The following SOBP variants were observed in gnomAD, a reference collection of about 807,000 sequenced individuals.
The protein encoded by SOBP is sine oculis binding protein homolog.
In SOBP, 4 loss-of-function variants were observed where a neutral mutation model predicts 53.6. The observed-to-expected ratio is 0.07, with a 90% confidence interval of 0.04 to 0.17. The LOEUF is 0.17. Among genes scored for constraint, SOBP ranks in the 10% least tolerant of loss-of-function variants. The probability of loss-of-function intolerance (pLI) is 1.00; values close to 1 mark genes in which losing one functional copy is unlikely to be tolerated. For synonymous variants in SOBP, 584 were observed against 522.6 expected (o/e 1.12, Z -1.60); for missense variants, 1,088 against 1,204.7 (o/e 0.90, Z 1.43).
At position 107,634,999 on chromosome 6, in the gene SOBP, G is replaced by C; in HGVS notation, c.2155G>C (p.Ala719Pro). 8.9e-7 allele frequency: 1 copy of C among 1,118,152 alleles called. No homozygotes were observed. Among genetic ancestry groups the C allele is most frequent in the South Asian group, 4.2e-5 (1 of 23,582 alleles). The allele number at this position is 1,118,152 out of a possible 1,614,324, so 69.3% of individuals were successfully genotyped here. The change falls in exon 6 of 7, where the codon GCC becomes CCC. Residue 719 changes from alanine (A) to proline (P), a missense_variant. By Grantham distance (27) the Ala-to-Pro change is conservative. Around this residue, in one of 6 missense-constraint regions of SOBP, gnomAD observed 665 missense variants for 629.7 expected, o/e 1.06. Coordinates refer to ENST00000317357, the MANE Select transcript of SOBP (RefSeq NM_018013.4). The surrounding 1 kb of genome is among the most constrained non-coding windows in gnomAD (Gnocchi z 4.5). ...GAPAGPEAAA[A>P]CNVIVNGTRG... ...CCCGGCGGGCCCCGAGGCGGCCGCG[G>C]CCTGCAACGTCATCGTGAACGGCAC...
chr6:107,492,591 G>C (rs1782606990), intron 1 of SOBP, among the ~76,000 whole-genome samples: 1 of 152,310 alleles, frequency 6.6e-6, no homozygotes, highest in East Asian at 1.9e-4. Flanking sequence ...CAGTATAACA[G>C]ATGTTTGTCT....
rs530660114 is a variant in SOBP at position 107,659,180 on chromosome 6, C to G, written c.*977C>G. On this transcript the variant is annotated 3_prime_UTR_variant, in exon 7 of 7. Transcript: ENST00000317357. ...CCAGGAAGTCAGTGAGACAATCTCT[C>G]TATATGCAGAGCCCTTTCATGATAA... 1.3e-5 allele frequency: 2 copies of G among 152,718 alleles called. No individual in the cohort carries two copies. The highest frequency in any genetic ancestry group is 1.9e-4 in the East Asian group (1 of 5,178). 9.5% of individuals were successfully genotyped at this position (152,718 alleles called of 1,614,324 possible). A position where few individuals can be genotyped will look rare whatever the true frequency, so the allele number is the denominator to read the frequency against.
At chr6:107,560,774 C>T (rs1474043398) in intron 4 of SOBP, among the ~76,000 whole-genome samples, 4 of 152,098 alleles carry the variant, frequency 2.6e-5, no homozygotes, top group Non-Finnish European at 5.9e-5. Context: ...GTCTTTTTCC[C>T]CACCAGACTG....
intron 4 of SOBP, among the ~76,000 whole-genome samples, chr6:107,569,846 C>G (rs1562621977): frequency 1.3e-5 from 2 of 152,222 alleles, no homozygotes; most frequent in Non-Finnish European, 2.9e-5. Flanking sequence ...CCTCGCCCCA[C>G]CTGGGAAGGA....
rs1275660220 is a variant in SOBP, at chr6:107,490,201, G to A, written c.-416G>A. 5 of 149,128 alleles carry A rather than the reference G, an allele frequency of 3.4e-5. No homozygotes were observed. The highest frequency in any genetic ancestry group is 3.0e-5 in the Non-Finnish European group (2 of 66,556). The allele number at this position is 149,128 out of a possible 1,614,324, so 9.2% of individuals were successfully genotyped here. On this transcript the variant is annotated 5_prime_UTR_variant, in exon 1 of 7. Transcript: ENST00000317357. ...CCTTGCTCCCCGCGCCCATGCGGAC[G>A]GACCGAGCGACGGAAGATGGCTGAC...
At chr6:107,618,996 G>T (rs750691652) in intron 5 of SOBP, among the ~76,000 whole-genome samples, 68 of 152,316 alleles carry the variant, frequency 4.5e-4, no homozygotes, top group Non-Finnish European at 8.8e-5. Context: ...AGGGGCGGGG[G>T]AGCACTGAGG....
At chr6:107,623,029 C>T (rs758065681) in intron 5 of SOBP, among the ~76,000 whole-genome samples, 12 of 152,194 alleles carry the variant, frequency 7.9e-5, no homozygotes, top group Non-Finnish European at 1.6e-4. Flanking sequence ...TAGGGTAGAG[C>T]TACTTGGAAT....
intron 5 of SOBP, among the ~76,000 whole-genome samples, chr6:107,596,198 C>A (rs1169179317): frequency 6.6e-6 from 1 of 152,262 alleles, no homozygotes; most frequent in Middle Eastern, 3.4e-3. Context: ...CACTTTCCCC[C>A]CTAACATTTT....
intron 3 of SOBP, among the ~76,000 whole-genome samples, chr6:107,520,717 G>C (rs1783459622): frequency 6.6e-6 from 1 of 152,202 alleles, no homozygotes; most frequent in African/African-American, 2.4e-5. Context: ...TCTAGGGACA[G>C]TCGCAGTGCT....
rs144827562 is a variant in SOBP at position 107,530,275 on chromosome 6, T to C, written c.422-3184T>C. Among the ~76,000 whole-genome samples, 944 of 152,346 alleles carry C rather than the reference T, an allele frequency of 6.2e-3. 10 individuals carry two copies. Among genetic ancestry groups the C allele is most frequent in the African/African-American group, 0.018 (760 of 41,586 alleles). ...GTTAAAGTGCTGAAACCTTCTATTT[T>C]GCCATTGTAAAGCATGCATTTCATT... On this transcript the variant is annotated intron_variant, in intron 3 of 6. Coordinates refer to ENST00000317357, the MANE Select transcript of SOBP (RefSeq NM_018013.4).
At chr6:107,558,507 A>G (rs1452433031) in intron 4 of SOBP, among the ~76,000 whole-genome samples, 16 of 151,690 alleles carry the variant, frequency 1.1e-4, no homozygotes, top group Admixed American at 1.1e-3. Flanking sequence ...TGACCTCGTG[A>G]TCCGCCCGCC....
chr6:107,582,739 T>A (rs1262388146), intron 4 of SOBP, among the ~76,000 whole-genome samples: 1 of 152,156 alleles, frequency 6.6e-6, no homozygotes, highest in African/African-American at 2.4e-5. Flanking sequence ...GAGAGTTAGT[T>A]CATCATGAAG....
chr6:107,633,276 A>G (rs1425309333), intron 5 of SOBP, among the ~76,000 whole-genome samples: 1 of 152,212 alleles, frequency 6.6e-6, no homozygotes, highest in Non-Finnish European at 1.5e-5. Context: ...GGGACAACAC[A>G]ATTTAAGAAA....
intron 5 of SOBP, among the ~76,000 whole-genome samples, chr6:107,612,330 T>C (rs1404997512): frequency 1.3e-5 from 2 of 152,224 alleles, no homozygotes; most frequent in African/African-American, 4.8e-5. Context: ...TTTTTATTAT[T>C]TCCAGCTTGT....
chr6:107,515,409 A>G (rs999663284), intron 3 of SOBP, among the ~76,000 whole-genome samples: 3 of 152,234 alleles, frequency 2.0e-5, no homozygotes, highest in Admixed American at 6.5e-5. Context: ...CAAGGGCATT[A>G]TAAGTAAGGG....
chr6:107,587,002 T>C, intron 4 of SOBP, 78 bp from the exon 5 acceptor site: 1 of 1,047,314 alleles, frequency 9.5e-7, no homozygotes, highest in Non-Finnish European at 1.5e-6. Context: ...TGTTGAATGA[T>C]CTGAGCTGTT....
chr6:107,589,486 C>T (rs143589292), intron 5 of SOBP, among the ~76,000 whole-genome samples: 9 of 152,098 alleles, frequency 5.9e-5, no homozygotes, highest in Non-Finnish European at 1.2e-4. Flanking sequence ...AATCGATGCC[C>T]GGAATACACA....
rs1255756251 is a variant in SOBP at position 107,634,622 on chromosome 6, A to T, written c.1778A>T (p.Lys593Met). 2 of 1,592,086 alleles carry T rather than the reference A, an allele frequency of 1.3e-6. No homozygotes were observed. Among genetic ancestry groups the T allele is most frequent in the Non-Finnish European group, 1.7e-6 (2 of 1,175,462 alleles). The change falls in exon 6 of 7, where the codon AAG becomes ATG. Residue 593 changes from lysine to methionine, a missense_variant. Transcript: ENST00000317357. This position sits in a 1 kb window ranked among gnomAD's most constrained non-coding sequence, Gnocchi z 4.5. ...SPRDSKQGSS[K>M]SADSPPGCSG... is the part of the protein sequence containing the mutation. ...CGGGACTCCAAGCAGGGCTCGTCCAAGTCCGCGGACTCGCCCCCCGGCTGC... is the reference window on the plus strand; with the variant it reads ...CGGGACTCCAAGCAGGGCTCGTCCATGTCCGCGGACTCGCCCCCCGGCTGC...
chr6:107,598,518 G>A (rs1187710299), intron 5 of SOBP, among the ~76,000 whole-genome samples: 2 of 152,208 alleles, frequency 1.3e-5, no homozygotes, highest in African/African-American at 2.4e-5. Flanking sequence ...CATTCTGTGA[G>A]TGGCGAGAAT....
Sources: gnomAD v4.1 joint callset for allele counts (sites outside exome capture counted in the v4.1 genomes callset) on GRCh38, gnomAD v4.1.1 for gene constraint, gnomAD v4.1.1 regional missense constraint, Gnocchi (gnomAD v3.1) non-coding constraint, MANE v1.5 for transcripts, NCBI Gene and HGNC (gene_info 2026-07-23, HGNC 2026-07-21) for gene names.